Variants in PTPRD observed in about 807,000 individuals in gnomAD.
The protein encoded by PTPRD is protein tyrosine phosphatase receptor type D, also known as receptor-type tyrosine-protein phosphatase delta.
A neutral mutation model predicts 214.5 loss-of-function variants in PTPRD; 34 were observed. The observed-to-expected ratio is 0.16, with a 90% confidence interval of 0.12 to 0.21. The LOEUF (loss-of-function observed/expected upper bound fraction) is 0.21. Among genes scored for constraint, PTPRD ranks in the 10% least tolerant of loss-of-function variants. The pLI is 1.00. For missense variants in PTPRD, 2,545 were observed against 2,398.7 expected, an observed-to-expected ratio of 1.06 and a Z score of -1.27; for synonymous variants, 1,128 against 845.7, an observed-to-expected ratio of 1.33 and a Z score of -5.79.
At chr9:10,249,392 T>C (rs1242586276) in intron 3 of PTPRD, among the ~76,000 whole-genome samples, 1 of 152,154 alleles carries the variant, frequency 6.6e-6, no homozygotes, top group Admixed American at 6.6e-5. Context: ...TTTCAAGATC[T>C]ATAGGAACCA....
intron 4 of PTPRD, among the ~76,000 whole-genome samples, chr9:10,014,949 G>C (rs1439986699): frequency 6.6e-6 from 1 of 152,062 alleles, no homozygotes; most frequent in Non-Finnish European, 1.5e-5. Context: ...TTGGGATTGA[G>C]TAATTAAAAT....
intron 8 of PTPRD, among the ~76,000 whole-genome samples, chr9:9,487,660 A>G (rs2095709208): frequency 6.6e-6 from 1 of 152,162 alleles, no homozygotes; most frequent in Non-Finnish European, 1.5e-5. Flanking sequence ...AATCATAATT[A>G]TTTATTGTAG....
intron 2 of PTPRD, among the ~76,000 whole-genome samples, chr9:10,376,928 C>T (rs992715101): frequency 1.1e-4 from 16 of 151,914 alleles, no homozygotes; most frequent in African/African-American, 3.9e-4. Flanking sequence ...CTTTTAGTGA[C>T]TTTTAAATGT....
intron 39 of PTPRD, among the ~76,000 whole-genome samples, chr9:8,371,012 G>C (rs10977010): frequency 1.3e-5 from 2 of 152,188 alleles, no homozygotes; most frequent in East Asian, 3.9e-4. Flanking sequence ...TGGCAAGAAA[G>C]ATTATTTGAT....
intron 10 of PTPRD, among the ~76,000 whole-genome samples, chr9:9,051,663 T>A (rs901697808): frequency 6.6e-6 from 1 of 152,160 alleles, no homozygotes; most frequent in Admixed American, 6.6e-5. Context: ...TAAGTTAATG[T>A]TAGGTTGTGA....
At chr9:9,637,417 T>G (rs1394814291) in intron 7 of PTPRD, among the ~76,000 whole-genome samples, 1 of 152,204 alleles carries the variant, frequency 6.6e-6, no homozygotes, top group African/African-American at 2.4e-5. Flanking sequence ...TACATTCCAA[T>G]TCCAAAAGGG....
At chr9:10,523,610 T>TAGAGAGAGAGAGAGAGAGAG (rs1223592218) in intron 2 of PTPRD, among the ~76,000 whole-genome samples, 4 of 95,684 alleles carry the variant, frequency 4.2e-5, no homozygotes, top group African/African-American at 1.3e-4. Flanking sequence ...TGTATATATA[T>TAGAGAGAGAGAGAGAGAGAG]ATATATATAT....
chr9:10,527,222 A>C (rs1238599732), intron 2 of PTPRD, among the ~76,000 whole-genome samples: 1 of 152,162 alleles, frequency 6.6e-6, no homozygotes, highest in African/African-American at 2.4e-5. Context: ...AAACAGATAA[A>C]TATGCTCGCA....
Position 8,521,272 on chromosome 9 carries a change from C to T in PTPRD, c.961+5G>A, listed in dbSNP as rs2097886474. On this transcript the variant is annotated splice_donor_5th_base_variant and intron_variant, in intron 20 of 45. Transcript: ENST00000381196. ...GATCCTCAAAGCATAATCCATTGAG[C>T]ATACCTTTGACAGTGATCTGTGCTA... The T allele has an allele frequency of 6.2e-7, 1 of 1,608,162 alleles. No individual in the cohort carries two copies.
At chr9:8,621,252 G>T (rs1489718244) in intron 14 of PTPRD, among the ~76,000 whole-genome samples, 4 of 152,010 alleles carry the variant, frequency 2.6e-5, no homozygotes, top group Admixed American at 1.3e-4. Context: ...CTTCGAACAA[G>T]AATTCATCTC....
intron 2 of PTPRD, among the ~76,000 whole-genome samples, chr9:10,391,199 G>A (rs2098056453): frequency 6.6e-6 from 1 of 151,722 alleles, no homozygotes; most frequent in African/African-American, 2.4e-5. Context: ...ATTATTATAT[G>A]GAAGGCAGAG....
intron 9 of PTPRD, among the ~76,000 whole-genome samples, chr9:9,258,270 C>G (rs557121736): frequency 1.3e-4 from 19 of 151,860 alleles, no homozygotes; most frequent in Non-Finnish European, 2.5e-4. Context: ...CATACTATAA[C>G]AGCTTGGCTT....
intron 7 of PTPRD, among the ~76,000 whole-genome samples, chr9:9,729,263 G>A (rs1176661408): frequency 6.6e-6 from 1 of 152,076 alleles, no homozygotes; most frequent in African/African-American, 2.4e-5. Context: ...CCTCCATCAG[G>A]TGACTCAGGG....
intron 11 of PTPRD, among the ~76,000 whole-genome samples, chr9:8,974,737 TAG>T (rs1410713124): frequency 6.6e-6 from 1 of 152,042 alleles, no homozygotes; most frequent in East Asian, 1.9e-4. Context: ...CAGACAGTAA[TAG>T]TATATACTAT....
chr9:10,485,834 T>C (rs1280253547), intron 2 of PTPRD, among the ~76,000 whole-genome samples: 1 of 152,134 alleles, frequency 6.6e-6, no homozygotes, highest in Non-Finnish European at 1.5e-5. Flanking sequence ...TGTTCCTGCA[T>C]ACAATTGAAA....
intron 2 of PTPRD, among the ~76,000 whole-genome samples, chr9:10,606,420 A>G (rs2079376740): frequency 6.6e-6 from 1 of 151,844 alleles, no homozygotes; most frequent in African/African-American, 2.4e-5. Flanking sequence ...AATCCCAAGG[A>G]TGCTAGCTTA....
At chr9:10,059,279 C>G (rs1215774881) in intron 3 of PTPRD, among the ~76,000 whole-genome samples, 1 of 152,120 alleles carries the variant, frequency 6.6e-6, no homozygotes, top group African/African-American at 2.4e-5. Flanking sequence ...TTTACAACTT[C>G]CATGTTGCGC....
At chr9:8,757,709 G>C (rs2094123128) in intron 11 of PTPRD, among the ~76,000 whole-genome samples, 2 of 148,314 alleles carry the variant, frequency 1.3e-5, no homozygotes, top group Admixed American at 6.7e-5. Context: ...ATGTCTTAAA[G>C]GAAAAAGATT....
chr9:10,183,572 G>A (rs185285447), intron 3 of PTPRD, among the ~76,000 whole-genome samples: 159 of 152,206 alleles, frequency 1.0e-3, no homozygotes, highest in African/African-American at 3.8e-3. Context: ...GCTGTTGCAG[G>A]TGTTTGATTT....
Sources: gnomAD v4.1 joint callset for allele counts (sites outside exome capture counted in the v4.1 genomes callset) on GRCh38, gnomAD v4.1.1 for gene constraint, MANE v1.5 for transcripts, NCBI Gene and HGNC (gene_info 2026-07-23, HGNC 2026-07-21) for gene names.